MRPL3: variants seen among roughly 807,000 people sequenced by gnomAD.
MRPL3 encodes large ribosomal subunit protein uL3m.
Under a neutral mutation model 44.3 loss-of-function variants are expected in MRPL3, and 43 were observed. The observed-to-expected ratio is 0.97, with a 90% CI of 0.76 to 1.25. The LOEUF (loss-of-function observed/expected upper bound fraction) is 1.25. MRPL3 is among the 50% of genes most tolerant of loss of function. MRPL3 has a pLI of 0.00. For missense variants in MRPL3, 406 were observed against 427.6 expected (o/e 0.95, Z 0.45); for synonymous variants, 171 against 152.3 (o/e 1.12, Z -0.91).
chr3:131,500,540 G>A lies in MRPL3; in HGVS notation c.278-19C>T. The A allele has an allele frequency of 6.3e-7, 1 of 1,599,582 alleles. No homozygotes were observed. On this transcript the variant is annotated intron_variant, in intron 2 of 9. Coordinates refer to ENST00000264995, the MANE Select transcript of MRPL3 (RefSeq NM_007208.4). ...AAGGAACCTGGCAATTAAAACCAAAGCAATGTGAACAAAAGCTTTTGCAAC... is the reference window on the plus strand; with the variant it reads ...AAGGAACCTGGCAATTAAAACCAAAACAATGTGAACAAAAGCTTTTGCAAC...
chr3:131,484,593 TAAAC>T (rs1209206585), intron 6 of MRPL3, among the ~76,000 whole-genome samples: 2 of 151,968 alleles, frequency 1.3e-5, no homozygotes, highest in Non-Finnish European at 2.9e-5. Context: ...AAAAAAAAGT[TAAAC>T]AAAGGTATGC....
intron 6 of MRPL3, among the ~76,000 whole-genome samples, chr3:131,483,153 G>A (rs572589959): frequency 6.6e-6 from 1 of 151,950 alleles, no homozygotes; most frequent in Non-Finnish European, 1.5e-5. Flanking sequence ...TGAAAGAATG[G>A]GAAAATGTTA....
intron 3 of MRPL3, among the ~76,000 whole-genome samples, chr3:131,498,571 G>T (rs913498055): frequency 1.3e-4 from 20 of 151,750 alleles, no homozygotes; most frequent in African/African-American, 4.4e-4. Context: ...GCATGCTGGT[G>T]GGCGCCTATA....
At chr3:131,476,049 T>G (rs1018799634) in intron 6 of MRPL3, among the ~76,000 whole-genome samples, 3 of 152,228 alleles carry the variant, frequency 2.0e-5, no homozygotes, top group Non-Finnish European at 2.9e-5. Flanking sequence ...CATGAGTGCA[T>G]GCACCAGTAG....
At chr3:131,465,222 C>T (rs1253777952) in intron 9 of MRPL3, among the ~76,000 whole-genome samples, 1 of 152,158 alleles carries the variant, frequency 6.6e-6, no homozygotes, top group Non-Finnish European at 1.5e-5. Context: ...TTTAGACTCC[C>T]GTTTCAGAAC....
intron 5 of MRPL3, among the ~76,000 whole-genome samples, chr3:131,489,346 C>A (rs1391942495): frequency 6.6e-6 from 1 of 152,088 alleles, no homozygotes; most frequent in Non-Finnish European, 1.5e-5. Flanking sequence ...AAGCCTACTG[C>A]AACTGTATTT....
chr3:131,467,895 C>T (rs1933651958), intron 9 of MRPL3, among the ~76,000 whole-genome samples, 196 bp downstream of exon 9: 1 of 151,668 alleles, frequency 6.6e-6, no homozygotes, highest in East Asian at 1.9e-4. Flanking sequence ...TCAGGTGCTA[C>T]TAAAAAGCAG....
chr3:131,464,537 C>A (rs568347744), intron 9 of MRPL3, among the ~76,000 whole-genome samples: 1 of 152,056 alleles, frequency 6.6e-6, no homozygotes, highest in South Asian at 2.1e-4. Flanking sequence ...TATCAGCAAA[C>A]CAGTCTAAAT....
In MRPL3 at chr3:131,497,355, A is replaced by G. The variant is rs1352109; in HGVS notation, c.468+824T>C. Among the ~76,000 whole-genome samples, 139 of 152,368 alleles carry G rather than the reference A, an allele frequency of 9.1e-4. 6 individuals carry two copies. In the South Asian group the frequency reaches 0.028, roughly 30 times the overall value. On this transcript the variant is annotated intron_variant, in intron 4 of 9. Coordinates refer to ENST00000264995, the MANE Select transcript of MRPL3 (RefSeq NM_007208.4). ...TGCACGTGGCATGTAATAAATGTTC[A>G]ATAAAAGTTAACTATCAGAAAATAG... is the stretch of plus-strand genomic sequence containing the variant.
intron 2 of MRPL3, 105 bp from the exon 3 acceptor site, chr3:131,500,626 C>A (rs767180708): frequency 2.4e-6 from 2 of 837,764 alleles, no homozygotes; most frequent in African/African-American, 3.4e-5. Context: ...GGAGCAGGCA[C>A]GTAAGAAATA....
intron 6 of MRPL3, among the ~76,000 whole-genome samples, chr3:131,481,726 G>A (rs1426791217): frequency 6.6e-6 from 1 of 152,098 alleles, no homozygotes; most frequent in Non-Finnish European, 1.5e-5. Flanking sequence ...CATTTTGACT[G>A]ATTTAAGAGG....
At chr3:131,500,230 T>C (rs1934464166) in intron 3 of MRPL3, among the ~76,000 whole-genome samples, 200 bp downstream of exon 3, 2 of 152,216 alleles carry the variant, frequency 1.3e-5, no homozygotes, top group African/African-American at 4.8e-5. Flanking sequence ...CCAATACCAG[T>C]ATCAGAAGGC....
rs183379515 is a variant in MRPL3, at chr3:131,491,520, C to T, written c.469-1440G>A. 1.3e-3 allele frequency among the ~76,000 whole-genome samples: 199 copies of T among 152,288 alleles called. 1 individual carries two copies. Among genetic ancestry groups the T allele is most frequent in the African/African-American group, 4.5e-3 (187 of 41,556 alleles). On this transcript the variant is annotated intron_variant, in intron 4 of 9. Transcript: ENST00000264995. ...AAACTTAAGCTTAACGTGTCTAAAA[C>T]TGAACTCAACTCCCTTCACCAAGCC...
intron 5 of MRPL3, among the ~76,000 whole-genome samples, chr3:131,489,703 T>G (rs1032241109): frequency 6.6e-6 from 1 of 152,086 alleles, no homozygotes; most frequent in African/African-American, 2.4e-5. Flanking sequence ...TCTTTGAATT[T>G]TAAAAGTTAG....
intron 6 of MRPL3, among the ~76,000 whole-genome samples, chr3:131,486,935 C>G (rs1218704441): frequency 6.6e-6 from 1 of 152,148 alleles, no homozygotes. Flanking sequence ...CCATTTGACC[C>G]AGCAATCCCA....
intron 2 of MRPL3, among the ~76,000 whole-genome samples, chr3:131,500,862 T>C (rs954117786): frequency 6.6e-6 from 1 of 152,250 alleles, no homozygotes; most frequent in African/African-American, 2.4e-5. Context: ...CCAACTTTAT[T>C]CATTAGAAAA....
At chr3:131,472,156 A>G (rs1385520875) in intron 6 of MRPL3, among the ~76,000 whole-genome samples, 2 of 152,194 alleles carry the variant, frequency 1.3e-5, no homozygotes, top group African/African-American at 4.8e-5. Flanking sequence ...TTAGGCAGCA[A>G]TAGGTACTAG....
At chr3:131,465,159 TA>T (rs1372607087) in intron 9 of MRPL3, among the ~76,000 whole-genome samples, 1 of 152,228 alleles carries the variant, frequency 6.6e-6, no homozygotes, top group Non-Finnish European at 1.5e-5. Context: ...ACTAGTGTGT[TA>T]ATAGTTCAAA....
chr3:131,493,968 T>C (rs1934311514), intron 4 of MRPL3, among the ~76,000 whole-genome samples: 1 of 152,226 alleles, frequency 6.6e-6, no homozygotes, highest in South Asian at 2.1e-4. Flanking sequence ...TAGCAAACTT[T>C]AGTTACTTGT....
Sources: gnomAD v4.1 joint callset for allele counts (sites outside exome capture counted in the v4.1 genomes callset) on GRCh38, gnomAD v4.1.1 for gene constraint, MANE v1.5 for transcripts, NCBI Gene and HGNC (gene_info 2026-07-23, HGNC 2026-07-21) for gene names.